The following ANKRD30A variants were observed in gnomAD, a reference collection of about 807,000 sequenced individuals.
The protein encoded by ANKRD30A is ankyrin repeat domain-containing protein 30A.
Under a neutral mutation model 166.3 loss-of-function variants are expected in ANKRD30A, and 170 were observed. The ratio of observed to expected loss-of-function variants is 1.02; its 90% CI spans 0.90 to 1.16. ANKRD30A has a LOEUF of 1.16. Among genes scored for constraint, ANKRD30A ranks in the 50% most tolerant of loss-of-function variants. The pLI is 0.00. For missense variants in ANKRD30A, 1,630 were observed against 1,518.0 expected (o/e 1.07, Z -1.23); for synonymous variants, 564 against 508.9 (o/e 1.11, Z -1.46).
At chr10:37,165,401 A>C (rs1335750924) in intron 18 of ANKRD30A, among the ~76,000 whole-genome samples, 3 of 152,348 alleles carry the variant, frequency 2.0e-5, no homozygotes, top group Middle Eastern at 3.4e-3. Flanking sequence ...TAAGGCTTAG[A>C]ATTCACTAGA....
intron 34 of ANKRD30A, among the ~76,000 whole-genome samples, chr10:37,223,254 TTGAGAA>T (rs1182648459): frequency 6.6e-6 from 1 of 150,998 alleles, no homozygotes; most frequent in African/African-American, 2.4e-5. Context: ...GTTGAGAATA[TTGAGAA>T]TGAGAAACAT....
chr10:37,232,697 T>TATATATATAGAGAGAGAGAGAGAGAG (rs1273812991), downstream of ANKRD30A: 1 of 78,400 alleles, frequency 1.3e-5, no homozygotes, highest in African/African-American at 4.9e-5. Context: ...TATATATAAA[T>TATATATATAGAGAGAGAGAGAGAGAG]AGAGAGAGAG....
chr10:37,154,532 G>T (rs1307284890), intron 13 of ANKRD30A, among the ~76,000 whole-genome samples: 2 of 152,216 alleles, frequency 1.3e-5, no homozygotes, highest in Non-Finnish European at 2.9e-5. Context: ...GATGTTTTTA[G>T]TCAGGGGAGA....
chr10:37,225,701 C>T (rs1355507485), intron 34 of ANKRD30A, among the ~76,000 whole-genome samples: 1 of 151,664 alleles, frequency 6.6e-6, no homozygotes, highest in Non-Finnish European at 1.5e-5. Flanking sequence ...GGGCATACTG[C>T]TCATTCCATG....
chr10:37,144,446 G>A (rs1460955913), intron 7 of ANKRD30A, among the ~76,000 whole-genome samples: 2 of 152,254 alleles, frequency 1.3e-5, no homozygotes, highest in Admixed American at 6.5e-5. Flanking sequence ...AGTTCTTTAA[G>A]CTTATTTATC....
intron 21 of ANKRD30A, among the ~76,000 whole-genome samples, chr10:37,171,762 G>A (rs1291961862): frequency 6.6e-6 from 1 of 150,774 alleles, no homozygotes; most frequent in Non-Finnish European, 1.5e-5. Context: ...AAAAGAGTTG[G>A]TTACAGATTC....
At chr10:37,158,114 A>C (rs922462977) in intron 13 of ANKRD30A, among the ~76,000 whole-genome samples, 4 of 152,142 alleles carry the variant, frequency 2.6e-5, no homozygotes, top group Non-Finnish European at 5.9e-5. Context: ...TACTGATAGT[A>C]GGATATTTCT....
chr10:37,131,364 T>A (rs1424794369), intron 3 of ANKRD30A, among the ~76,000 whole-genome samples: 1 of 152,214 alleles, frequency 6.6e-6, no homozygotes, highest in Non-Finnish European at 1.5e-5. Flanking sequence ...AGATATGCAT[T>A]AGAATTTTAG....
At chr10:37,189,861 CAG>C (rs1840386128) in intron 25 of ANKRD30A, among the ~76,000 whole-genome samples, 1 of 151,198 alleles carries the variant, frequency 6.6e-6, no homozygotes, top group Non-Finnish European at 1.5e-5. Flanking sequence ...ACAGAGCGTA[CAG>C]AGAGTATATG....
the ANKRD30A span, chr10:37,248,008 C>G: frequency 8.6e-6 from 3 of 349,664 alleles, no homozygotes; most frequent in East Asian, 1.9e-4. Context: ...CTCATGTACC[C>G]CTCAACTTAA....
chr10:37,213,777 G>T (rs920027048), intron 31 of ANKRD30A, among the ~76,000 whole-genome samples: 1 of 151,484 alleles, frequency 6.6e-6, no homozygotes, highest in Admixed American at 6.6e-5. Context: ...TTGGATGTAT[G>T]TTACTTAATT....
chr10:37,232,654 T>TTTTATATATATATATATATATA (rs1843466585), downstream of ANKRD30A: 1 of 54,214 alleles, frequency 1.8e-5, no homozygotes, highest in Non-Finnish European at 3.5e-5. Flanking sequence ...AGCATTGGTT[T>TTTTATATATATATATATATATA]TATATATATA....
chr10:37,208,883 C>T (rs932369578), intron 31 of ANKRD30A, among the ~76,000 whole-genome samples: 2 of 152,162 alleles, frequency 1.3e-5, no homozygotes, highest in African/African-American at 4.8e-5. Context: ...TATCAGCACA[C>T]GACTTTATTC....
chr10:37,196,024 A>G (rs1841058556), intron 27 of ANKRD30A, among the ~76,000 whole-genome samples: 1 of 152,064 alleles, frequency 6.6e-6, no homozygotes, highest in Admixed American at 6.6e-5. Context: ...GGAAGTGTTG[A>G]ACAAATAAAT....
chr10:37,209,421 G>A (rs752561758), intron 31 of ANKRD30A, among the ~76,000 whole-genome samples: 12 of 152,228 alleles, frequency 7.9e-5, no homozygotes, highest in Non-Finnish European at 1.6e-4. Flanking sequence ...CAGAGCAGGA[G>A]CAAGAGAGAG....
Position 37,149,768 on chromosome 10 carries a change from C to A in ANKRD30A, c.1573-9C>A. ...CTTTATTAATCATTTTGCTTCCAACCCCATTTAGCCTGCCATTGAAATGCA... is the reference window on the plus strand; with the variant it reads ...CTTTATTAATCATTTTGCTTCCAACACCATTTAGCCTGCCATTGAAATGCA... On this transcript the variant is annotated splice_polypyrimidine_tract_variant and intron_variant, in intron 10 of 35. Coordinates refer to ENST00000361713, the MANE Select transcript of ANKRD30A (RefSeq NM_052997.3). The A allele has an allele frequency of 1.9e-6, 3 of 1,612,822 alleles. No homozygotes were observed. The highest frequency in any genetic ancestry group is 2.5e-6 in the Non-Finnish European group (3 of 1,179,156).
chr10:37,127,301 A>G lies in ANKRD30A; in HGVS notation c.221+1293A>G, dbSNP rs188256316. Among the ~76,000 whole-genome samples, 7 of 152,190 alleles carry G rather than the reference A, an allele frequency of 4.6e-5. No homozygotes were observed. In the East Asian group the frequency reaches 1.4e-3, roughly 29 times the overall value. ...ATAAGTTCCTGATGGAATATAGATT[A>G]AAAGTTTTTAATGTACAAAATGATA... On this transcript the variant is annotated intron_variant, in intron 1 of 35. Transcript: ENST00000361713.
chr10:37,238,465 C>T, the ANKRD30A span, among the ~76,000 whole-genome samples: 3 of 152,152 alleles, frequency 2.0e-5, no homozygotes, highest in African/African-American at 7.2e-5. Context: ...AGGTATATCT[C>T]TCCTACCATT....
chr10:37,150,227 A>C (rs1024936713), intron 11 of ANKRD30A, among the ~76,000 whole-genome samples: 15 of 151,918 alleles, frequency 9.9e-5, no homozygotes, highest in Admixed American at 6.6e-4. Context: ...CTGATATAAC[A>C]CTTGTGTTTT....
Sources: allele counts gnomAD v4.1 joint callset (sites outside exome capture counted in the v4.1 genomes callset), GRCh38; gene constraint gnomAD v4.1.1; transcripts MANE v1.5; gene names NCBI Gene and HGNC (gene_info 2026-07-23, HGNC 2026-07-21).